The following PRKG1 variants were observed in gnomAD, a reference collection of about 807,000 sequenced individuals.
The protein encoded by PRKG1 is cGMP-dependent protein kinase 1.
In PRKG1, 35 loss-of-function variants were observed where a neutral mutation model predicts 88.1. That is an observed-to-expected ratio of 0.40 (90% CI 0.30 to 0.53). The LOEUF is 0.53. PRKG1 is among the 20% of genes least tolerant of loss of function. PRKG1 has a pLI of 0.59. For missense variants in PRKG1, 540 were observed against 839.8 expected (o/e 0.64, Z 4.41); for synonymous variants, 303 against 292.5 (o/e 1.04, Z -0.37).
At chr10:51,860,060 G>A (rs964825345) in intron 4 of PRKG1, among the ~76,000 whole-genome samples, 1 of 152,054 alleles carries the variant, frequency 6.6e-6, no homozygotes, top group South Asian at 2.1e-4. Context: ...TAAAAGTTGC[G>A]GCAGACATAG....
intron 3 of PRKG1, among the ~76,000 whole-genome samples, chr10:51,767,884 TGA>T (rs905628763): frequency 4.0e-5 from 6 of 151,818 alleles, no homozygotes; most frequent in African/African-American, 1.5e-4. Flanking sequence ...GCCATGGAGG[TGA>T]GAGAGTAGAG....
intron 7 of PRKG1, among the ~76,000 whole-genome samples, chr10:52,117,164 CTGTGTGTGTG>C (rs71459438): frequency 1.5e-4 from 21 of 139,190 alleles, no homozygotes; most frequent in South Asian, 4.7e-4. Flanking sequence ...TGTGAAATAT[CTGTGTGTGTG>C]TGTGTGTGTG....
intron 2 of PRKG1, among the ~76,000 whole-genome samples, chr10:51,219,734 A>T (rs76023207): frequency 0.012 from 1,850 of 151,896 alleles, 29 homozygotes; most frequent in African/African-American, 0.04. Flanking sequence ...AATAAAATTT[A>T]AAAAAAAGGC....
At chr10:52,040,896 G>C (rs111570418) in intron 5 of PRKG1, among the ~76,000 whole-genome samples, 5 of 134,090 alleles carry the variant, frequency 3.7e-5, no homozygotes, top group African/African-American at 1.4e-4. Flanking sequence ...GAGTGTTGTG[G>C]CATGATCTTG....
chr10:52,075,690 A>G (rs1056170380), intron 7 of PRKG1, among the ~76,000 whole-genome samples: 6 of 152,204 alleles, frequency 3.9e-5, no homozygotes, highest in African/African-American at 1.4e-4. Flanking sequence ...ATTTTCTCAC[A>G]GTTTTAACGG....
intron 5 of PRKG1, among the ~76,000 whole-genome samples, chr10:51,964,356 C>A (rs1265897182): frequency 6.6e-6 from 1 of 152,222 alleles, no homozygotes; most frequent in Non-Finnish European, 1.5e-5. Flanking sequence ...TCAAATACAT[C>A]TTTATGTTCA....
chr10:52,065,142 C>T (rs144846122), intron 7 of PRKG1, among the ~76,000 whole-genome samples: 1 of 152,066 alleles, frequency 6.6e-6, no homozygotes, highest in Non-Finnish European at 1.5e-5. Context: ...ATGCATTTTA[C>T]AGAATGCATG....
At chr10:52,167,046 T>C (rs1240788564) in intron 9 of PRKG1, among the ~76,000 whole-genome samples, 2 of 152,006 alleles carry the variant, frequency 1.3e-5, no homozygotes, top group East Asian at 3.9e-4. Flanking sequence ...CTTTATTCCA[T>C]TTAACATCTG....
chr10:51,964,546 T>C (rs1384443784), intron 5 of PRKG1, among the ~76,000 whole-genome samples: 1 of 152,202 alleles, frequency 6.6e-6, no homozygotes, highest in Non-Finnish European at 1.5e-5. Flanking sequence ...ATTAAGAGAT[T>C]TATGGAGCAG....
chr10:51,705,369 T>A (rs1199547754), intron 3 of PRKG1, among the ~76,000 whole-genome samples: 2 of 152,194 alleles, frequency 1.3e-5, no homozygotes, highest in African/African-American at 4.8e-5. Context: ...ACTTAGTAAA[T>A]ATTTTTAAAT....
At chr10:51,652,107 A>G (rs1382857373) in intron 3 of PRKG1, among the ~76,000 whole-genome samples, 1 of 152,202 alleles carries the variant, frequency 6.6e-6, no homozygotes, top group Non-Finnish European at 1.5e-5. Context: ...TTATTTTAAG[A>G]GATATCTTCT....
intron 7 of PRKG1, among the ~76,000 whole-genome samples, chr10:52,124,814 GT>G (rs1424867801): frequency 9.2e-5 from 14 of 151,786 alleles, no homozygotes; most frequent in Non-Finnish European, 1.6e-4. Context: ...ACTTTTCGAA[GT>G]TTTTTTGTTA....
chr10:52,121,804 C>G (rs1278317188), intron 7 of PRKG1, among the ~76,000 whole-genome samples: 1 of 152,170 alleles, frequency 6.6e-6, no homozygotes, highest in Non-Finnish European at 1.5e-5. Flanking sequence ...TTTAGTTTCT[C>G]CCTACAGCTC....
At chr10:52,158,447 T>C (rs1354779173) in intron 8 of PRKG1, among the ~76,000 whole-genome samples, 1 of 151,536 alleles carries the variant, frequency 6.6e-6, no homozygotes, top group East Asian at 1.9e-4. Flanking sequence ...TCCTACAGAG[T>C]GTCTGAGAGA....
chr10:52,276,877 A>G (rs1408559877), intron 12 of PRKG1, among the ~76,000 whole-genome samples: 1 of 152,220 alleles, frequency 6.6e-6, no homozygotes, highest in African/African-American at 2.4e-5. Flanking sequence ...AGTTATCTAC[A>G]TCACATGTTT....
At chr10:51,477,393 T>C (rs1840227943) in intron 3 of PRKG1, among the ~76,000 whole-genome samples, 1 of 150,994 alleles carries the variant, frequency 6.6e-6, no homozygotes, top group Non-Finnish European at 1.5e-5. Flanking sequence ...ATGGGTTTAG[T>C]GGAGGAGATA....
chr10:51,880,675 A>C (rs978593336), intron 4 of PRKG1, among the ~76,000 whole-genome samples: 3 of 152,214 alleles, frequency 2.0e-5, no homozygotes, highest in African/African-American at 7.2e-5. Flanking sequence ...CATATCCTGG[A>C]TTTAAAATGC....
chr10:51,524,052 T>G (rs1339383977), intron 3 of PRKG1, among the ~76,000 whole-genome samples: 4 of 152,112 alleles, frequency 2.6e-5, no homozygotes, highest in Non-Finnish European at 5.9e-5. Context: ...TCTGGTTGTT[T>G]AGAAGTTTGT....
At chr10:51,996,533 T>C (rs978896488) in intron 5 of PRKG1, among the ~76,000 whole-genome samples, 3 of 152,070 alleles carry the variant, frequency 2.0e-5, no homozygotes, top group Non-Finnish European at 4.4e-5. Flanking sequence ...AAATGAATGC[T>C]TAACTACTAA....
Sources: allele counts gnomAD v4.1 joint callset (sites outside exome capture counted in the v4.1 genomes callset), GRCh38; gene constraint gnomAD v4.1.1; transcripts MANE v1.5; gene names NCBI Gene and HGNC (gene_info 2026-07-23, HGNC 2026-07-21).